Variants in NAA16 observed in about 807,000 individuals in gnomAD.
NAA16 encodes the protein NARG1-like protein.
A neutral mutation model predicts 110.3 loss-of-function variants in NAA16; 97 were observed. The ratio of observed to expected loss-of-function variants is 0.88; its 90% CI spans 0.75 to 1.04. The LOEUF (loss-of-function observed/expected upper bound fraction) is 1.04. Among genes scored for constraint, NAA16 ranks in the 50% least tolerant of loss-of-function variants. The probability of loss-of-function intolerance (pLI) is 0.00; values close to 1 mark genes in which losing one functional copy is unlikely to be tolerated. For synonymous variants in NAA16, 372 were observed against 330.6 expected (o/e 1.13, Z -1.36); for missense variants, 1,017 against 1,005.1 (o/e 1.01, Z -0.16).
chr13:41,365,528 T>C (rs1470303817), intron 13 of NAA16, among the ~76,000 whole-genome samples: 2 of 152,208 alleles, frequency 1.3e-5, no homozygotes, highest in Non-Finnish European at 2.9e-5. Flanking sequence ...AAAGCAAATA[T>C]TACAATCAGC....
intron 6 of NAA16, among the ~76,000 whole-genome samples, chr13:41,326,441 C>A (rs1029339062): frequency 3.1e-4 from 47 of 152,162 alleles, no homozygotes; most frequent in African/African-American, 1.1e-3. Context: ...ATTGTAGAAC[C>A]TCTGAAGTCT....
chr13:41,324,914 T>TTAATAGAC (rs1180607362), intron 5 of NAA16, among the ~76,000 whole-genome samples: 2 of 151,346 alleles, frequency 1.3e-5, no homozygotes, highest in African/African-American at 2.4e-5. Flanking sequence ...TGCTGCATGG[T>TTAATAGAC]TAATAGACTA....
At chr13:41,320,872 T>C (rs747524400) in intron 4 of NAA16, 48 bp downstream of exon 4, 1 of 1,502,324 alleles carries the variant, frequency 6.7e-7, no homozygotes, top group East Asian at 2.3e-5. Flanking sequence ...TAGACAAAAT[T>C]TAAGAGCGTG....
chr13:41,373,881 G>A, intron 18 of NAA16, 101 bp downstream of exon 18: 2 of 1,422,766 alleles, frequency 1.4e-6, no homozygotes, highest in Non-Finnish European at 1.8e-6. Context: ...AGTACTGTGT[G>A]TAAGTATGGG....
rs571297293 is a variant in NAA16 at position 41,366,113 on chromosome 13, T to C, written c.1540-1326T>C. 1.8e-4 allele frequency among the ~76,000 whole-genome samples: 27 copies of C among 152,292 alleles called. 1 individual carries two copies. In the South Asian group the frequency reaches 5.4e-3, roughly 30 times the overall value. On this transcript the variant is annotated intron_variant, in intron 13 of 19. Coordinates refer to ENST00000379406, the MANE Select transcript of NAA16 (RefSeq NM_024561.5). The stretch of plus-strand genomic sequence containing the variant: ...AAAAGTTCATGTTAATATTTACGAT[T>C]TGATTTTATTGGTGGGAAAGATGCA...
intron 2 of NAA16, among the ~76,000 whole-genome samples, chr13:41,318,205 ATTT>A (rs771469935): frequency 7.0e-6 from 1 of 142,682 alleles, no homozygotes. Context: ...CTGCTTTGTA[ATTT>A]TTTTTTTTTT....
At chr13:41,339,129 GTTGTTTGTTTGT>G (rs71200173) in intron 9 of NAA16, among the ~76,000 whole-genome samples, 1 of 151,596 alleles carries the variant, frequency 6.6e-6, no homozygotes, top group Non-Finnish European at 1.5e-5. Context: ...TTTTGTTGTT[GTTGTTTGTTTGT>G]TTGTTTGTTT....
intron 5 of NAA16, 85 bp downstream of exon 5, chr13:41,323,275 T>C (rs1266793898): frequency 7.4e-6 from 10 of 1,347,946 alleles, no homozygotes; most frequent in African/African-American, 1.5e-5. Flanking sequence ...TGAATTAAAG[T>C]ATTTGAAACC....
At chr13:41,370,500 T>G (rs1188663481) in intron 15 of NAA16, among the ~76,000 whole-genome samples, 2 of 152,210 alleles carry the variant, frequency 1.3e-5, no homozygotes, top group Admixed American at 6.5e-5. Flanking sequence ...CTTTTATCTA[T>G]AAAGCTACTA....
chr13:41,374,457 C>T (rs9285147), intron 18 of NAA16: 204,343 of 216,644 alleles, frequency 0.94, 96,471 homozygotes, highest in South Asian at 0.99. Context: ...GAGTCACTGT[C>T]CATCTGATAA....
chr13:41,350,607 G>GTT (rs1294602444), intron 9 of NAA16, among the ~76,000 whole-genome samples: 6 of 26,022 alleles, frequency 2.3e-4, no homozygotes, highest in East Asian at 2.2e-3. Flanking sequence ...GTTTTTTTTT[G>GTT]TTTTTTTTTT....
chr13:41,311,598 C>T lies in NAA16; in HGVS notation c.54+16C>T, dbSNP rs200287521. ...ACGCATCTTGGTGAGTGGCCGTAGG[C>T]CGCGCTGCCGCCCCCCGGTCCCCGG... On this transcript the variant is annotated intron_variant, in intron 1 of 19. Coordinates refer to ENST00000379406, the MANE Select transcript of NAA16 (RefSeq NM_024561.5). 547 of 1,600,226 alleles carry T rather than the reference C, an allele frequency of 3.4e-4. No homozygotes were observed. The highest frequency in any genetic ancestry group is 4.3e-4 in the Non-Finnish European group (505 of 1,174,018).
chr13:41,325,872 T>G (rs754285202), intron 6 of NAA16, 21 bp downstream of exon 6: 2 of 1,584,562 alleles, frequency 1.3e-6, no homozygotes, highest in African/African-American at 2.7e-5. Flanking sequence ...TTGCCTTTTT[T>G]TAATAGCCTC....
intron 14 of NAA16, among the ~76,000 whole-genome samples, chr13:41,368,827 T>C (rs2043258099): frequency 6.6e-6 from 1 of 152,332 alleles, no homozygotes; most frequent in Non-Finnish European, 1.5e-5. Context: ...GAAGTCATTA[T>C]ATGCAACTTA....
chr13:41,333,823 T>C (rs2042305523), intron 8 of NAA16, among the ~76,000 whole-genome samples: 1 of 152,024 alleles, frequency 6.6e-6, no homozygotes, highest in Non-Finnish European at 1.5e-5. Context: ...GAAATATATT[T>C]TTACTGGAAG....
rs368941198 is a variant in NAA16, at chr13:41,358,417, A to G, written c.1201A>G (p.Ile401Val). 2 of 1,613,386 alleles carry G rather than the reference A, an allele frequency of 1.2e-6. No homozygotes were observed. The highest frequency in any genetic ancestry group is 1.3e-5 in the African/African-American group (1 of 75,032). Residue 401 changes from isoleucine (I) to valine (V), a missense_variant, in exon 11 of 20, where the codon ATT becomes GTT. Coordinates refer to ENST00000379406, the MANE Select transcript of NAA16 (RefSeq NM_024561.5). ...SLALDYINAA[I>V]ASTPTLIELF... ...GGCTTTGGATTATATTAATGCTGCAATTGCTAGTACTCCAACTCTAATAGA... is the reference window on the plus strand; with the variant it reads ...GGCTTTGGATTATATTAATGCTGCAGTTGCTAGTACTCCAACTCTAATAGA...
chr13:41,353,856 CTAA>C (rs1566284175), intron 9 of NAA16, among the ~76,000 whole-genome samples: 1 of 151,884 alleles, frequency 6.6e-6, no homozygotes, highest in Non-Finnish European at 1.5e-5. Flanking sequence ...GATGGTGACA[CTAA>C]TGTTTAACAG....
At chr13:41,340,131 C>G (rs1014746466) in intron 9 of NAA16, among the ~76,000 whole-genome samples, 2 of 151,858 alleles carry the variant, frequency 1.3e-5, no homozygotes, top group Non-Finnish European at 2.9e-5. Context: ...TTCTTATTAT[C>G]CATTATATAG....
intron 9 of NAA16, among the ~76,000 whole-genome samples, chr13:41,340,279 G>C (rs1274300452): frequency 6.6e-6 from 1 of 152,118 alleles, no homozygotes; most frequent in Non-Finnish European, 1.5e-5. Flanking sequence ...CAAAAAACCA[G>C]CTCTTGGATT....
Sources: gnomAD v4.1 joint callset for allele counts (sites outside exome capture counted in the v4.1 genomes callset) on GRCh38, gnomAD v4.1.1 for gene constraint, MANE v1.5 for transcripts, NCBI Gene and HGNC (gene_info 2026-07-23, HGNC 2026-07-21) for gene names.